The following SHISA9 variants were observed in gnomAD, a reference collection of about 807,000 sequenced individuals.
SHISA9 encodes shisa family member 9, also known as protein shisa-9.
A neutral mutation model predicts 38.0 loss-of-function variants in SHISA9; 13 were observed. The observed-to-expected ratio is 0.34, with a 90% CI of 0.22 to 0.54. The LOEUF (loss-of-function observed/expected upper bound fraction) is 0.54, where lower values mean the gene tolerates loss of function less well. SHISA9 is among the 20% of genes least tolerant of loss of function. SHISA9 has a pLI of 0.91. For synonymous variants in SHISA9, 275 were observed against 242.0 expected, an observed-to-expected ratio of 1.14 and a Z score of -1.27; for missense variants, 538 against 575.8, an observed-to-expected ratio of 0.93 and a Z score of 0.67.
chr16:13,075,574 A>C (rs145226283), intron 2 of SHISA9, among the ~76,000 whole-genome samples: 4 of 152,132 alleles, frequency 2.6e-5, no homozygotes, highest in Admixed American at 6.5e-5. Flanking sequence ...CTGAAAACTC[A>C]ACCTAAGGCT....
intron 2 of SHISA9, among the ~76,000 whole-genome samples, chr16:12,997,875 A>G (rs2072478012): frequency 6.6e-6 from 1 of 152,194 alleles, no homozygotes; most frequent in African/African-American, 2.4e-5. Context: ...TCTCTAGATA[A>G]TCATCCACCT....
At chr16:13,497,685 C>CAAAAAA in the SHISA9 span, among the ~76,000 whole-genome samples, 2 of 106,366 alleles carry the variant, frequency 1.9e-5, no homozygotes, top group Non-Finnish European at 3.8e-5. Context: ...ACTCCGTCTC[C>CAAAAAA]AAAAAAAAAA....
In SHISA9 at chr16:13,236,474, G is replaced by A. The variant is rs1244805187; in HGVS notation, c.*1065G>A. On this transcript the variant is annotated 3_prime_UTR_variant, in exon 5 of 5. Coordinates refer to ENST00000558583, the MANE Select transcript of SHISA9 (RefSeq NM_001145204.3). Reference sequence around the variant, plus strand: ...AGTCCTCTATAAACTGTATGTCCCTGACATCCCTTTCCCTTCAGCGCGTTG... The same window carrying A: ...AGTCCTCTATAAACTGTATGTCCCTAACATCCCTTTCCCTTCAGCGCGTTG... The A allele has an allele frequency of 6.6e-6, 1 of 152,206 alleles. No homozygotes were observed. Among genetic ancestry groups the A allele is most frequent in the East Asian group, 1.9e-4 (1 of 5,178 alleles). The allele number at this position is 152,206 out of a possible 1,614,324, so 9.4% of individuals were successfully genotyped here. A position where few individuals can be genotyped will look rare whatever the true frequency, so the allele number is the denominator to read the frequency against.
chr16:13,355,900 C>G, the SHISA9 span, among the ~76,000 whole-genome samples: 1 of 152,176 alleles, frequency 6.6e-6, no homozygotes, highest in Non-Finnish European at 1.5e-5. Flanking sequence ...TCCAGGGGCT[C>G]CGGGAGTGGC....
the SHISA9 span, among the ~76,000 whole-genome samples, chr16:13,494,759 TA>T: frequency 2.6e-5 from 4 of 152,158 alleles, no homozygotes; most frequent in Admixed American, 2.6e-4. Context: ...CGCTATATTT[TA>T]AAAGGGGGAT....
chr16:12,995,938 T>C (rs1016866492), intron 2 of SHISA9, among the ~76,000 whole-genome samples: 4 of 152,194 alleles, frequency 2.6e-5, no homozygotes, highest in Middle Eastern at 3.2e-3. Context: ...ATGGTGCTTC[T>C]TGAGTTGTGG....
the SHISA9 span, among the ~76,000 whole-genome samples, chr16:13,528,440 C>G: frequency 6.6e-6 from 1 of 152,010 alleles, no homozygotes; most frequent in African/African-American, 2.4e-5. Context: ...AAAAAGTCCA[C>G]TGGAGCATGT....
chr16:13,513,514 C>T, the SHISA9 span, among the ~76,000 whole-genome samples: 1 of 152,172 alleles, frequency 6.6e-6, no homozygotes, highest in Non-Finnish European at 1.5e-5. Flanking sequence ...ATAAATCACT[C>T]TACTATAAAG....
the SHISA9 span, among the ~76,000 whole-genome samples, chr16:13,509,722 T>A: frequency 6.6e-6 from 1 of 152,206 alleles, no homozygotes; most frequent in Non-Finnish European, 1.5e-5. Flanking sequence ...GAATATCACT[T>A]ATTAATGACC....
At chr16:12,963,425 T>A (rs527881915) in intron 2 of SHISA9, among the ~76,000 whole-genome samples, 91 of 152,252 alleles carry the variant, frequency 6.0e-4, no homozygotes, top group African/African-American at 2.1e-3. Context: ...CAGACGTAAA[T>A]AACCATAACA....
the SHISA9 span, among the ~76,000 whole-genome samples, chr16:13,270,719 T>C: frequency 6.6e-6 from 1 of 152,186 alleles, no homozygotes; most frequent in Non-Finnish European, 1.5e-5. Context: ...TACACTTACA[T>C]AAGGAAATGA....
chr16:13,281,231 A>G, the SHISA9 span, among the ~76,000 whole-genome samples: 1 of 151,728 alleles, frequency 6.6e-6, no homozygotes, highest in Non-Finnish European at 1.5e-5. Flanking sequence ...ATTATTATGG[A>G]TGTTTCTTTC....
At chr16:13,385,252 A>G in the SHISA9 span, among the ~76,000 whole-genome samples, 2 of 152,258 alleles carry the variant, frequency 1.3e-5, no homozygotes, top group African/African-American at 4.8e-5. Context: ...TGTTTTTTAC[A>G]GAAAATTAAA....
chr16:13,368,751 A>ACC, the SHISA9 span, among the ~76,000 whole-genome samples: 39 of 149,978 alleles, frequency 2.6e-4, no homozygotes, highest in African/African-American at 8.3e-4. Flanking sequence ...AAAAAAAAAA[A>ACC]CCCACTGGGA....
intron 4 of SHISA9, among the ~76,000 whole-genome samples, chr16:13,225,397 G>C (rs955027636): frequency 6.6e-6 from 1 of 152,204 alleles, no homozygotes; most frequent in East Asian, 1.9e-4. Flanking sequence ...AATAGGTATG[G>C]AGCAGAGGAG....
chr16:13,060,218 C>A (rs767989573), intron 2 of SHISA9, among the ~76,000 whole-genome samples: 9 of 152,252 alleles, frequency 5.9e-5, no homozygotes, highest in African/African-American at 2.2e-4. Context: ...GGAGGGACAG[C>A]GTTCCTGGGA....
At chr16:13,045,064 A>T (rs928533111) in intron 2 of SHISA9, among the ~76,000 whole-genome samples, 2 of 152,186 alleles carry the variant, frequency 1.3e-5, no homozygotes, top group African/African-American at 2.4e-5. Context: ...GATCTGTAAG[A>T]TGGGGACGAT....
intron 2 of SHISA9, among the ~76,000 whole-genome samples, chr16:13,199,173 A>G (rs1220614454): frequency 6.6e-6 from 1 of 152,214 alleles, no homozygotes. Context: ...CGGATCAAAC[A>G]GATGAGAGAA....
intron 2 of SHISA9, among the ~76,000 whole-genome samples, chr16:13,156,868 C>G (rs1750336444): frequency 6.6e-6 from 1 of 152,212 alleles, no homozygotes; most frequent in African/African-American, 2.4e-5. Context: ...CAGGTAGTCT[C>G]TCATCTTTGC....
Sources: gnomAD v4.1 joint callset for allele counts (sites outside exome capture counted in the v4.1 genomes callset) on GRCh38, gnomAD v4.1.1 for gene constraint, MANE v1.5 for transcripts, NCBI Gene and HGNC (gene_info 2026-07-23, HGNC 2026-07-21) for gene names.